Variants in ANTXR1 observed in about 807,000 individuals in gnomAD.
ANTXR1 encodes the protein anthrax toxin receptor 1.
ANTXR1 carries 19 observed loss-of-function variants against 78.1 expected under a neutral mutation model. The ratio of observed to expected loss-of-function variants is 0.24; its 90% CI spans 0.17 to 0.36. The LOEUF (loss-of-function observed/expected upper bound fraction) is 0.36. Among genes scored for constraint, ANTXR1 ranks in the 10% least tolerant of loss-of-function variants. The pLI is 1.00. For synonymous variants in ANTXR1, 273 were observed against 260.5 expected (o/e 1.05, Z -0.46); for missense variants, 518 against 718.6 (o/e 0.72, Z 3.19).
intron 1 of ANTXR1, among the ~76,000 whole-genome samples, chr2:69,029,129 C>T (rs1033468240): frequency 3.3e-5 from 5 of 151,054 alleles, no homozygotes; most frequent in African/African-American, 7.3e-5. Flanking sequence ...CTCAGGAGGC[C>T]GAGGCACAAG....
intron 17 of ANTXR1, among the ~76,000 whole-genome samples, chr2:69,196,665 A>G (rs758666303): frequency 1.3e-5 from 2 of 152,166 alleles, no homozygotes; most frequent in Non-Finnish European, 2.9e-5. Context: ...AGCTGACCAC[A>G]TTTTCCATAA....
chr2:69,023,452 G>A (rs1435238695), intron 1 of ANTXR1, among the ~76,000 whole-genome samples: 1 of 151,178 alleles, frequency 6.6e-6, no homozygotes, highest in African/African-American at 2.5e-5. Context: ...TGGTAGTAGT[G>A]ATGATAGTGA....
At chr2:69,186,691 C>G (rs1477287497) in intron 16 of ANTXR1, among the ~76,000 whole-genome samples, 1 of 152,234 alleles carries the variant, frequency 6.6e-6, no homozygotes, top group Admixed American at 6.5e-5. Flanking sequence ...GGAACTGTTT[C>G]TTTAGTTGAC....
At position 69,102,891 on chromosome 2, in the gene ANTXR1, C is replaced by A. The variant is rs141202830; in HGVS notation, c.753C>A (p.Asn251Lys). The A allele has an allele frequency of 1.6e-5, 26 of 1,614,058 alleles. No individual in the cohort carries two copies. Among genetic ancestry groups the A allele is most frequent in the African/African-American group, 4.0e-5 (3 of 74,928 alleles). Residue 251 changes from asparagine (N) to lysine (K), a missense_variant, in exon 10 of 18, where the codon AAC (asparagine) becomes AAA (lysine). Transcript: ENST00000303714. ...GAAACGGCTTCCGACATGCCCGCAA[C>A]GTGGACAGGGTCCTCTGCAGCTTCA... Reference protein sequence around the residue: ...VRGNGFRHARNVDRVLCSFKI... With the variant: ...VRGNGFRHARKVDRVLCSFKI...
At chr2:69,180,666 A>T (rs987973379) in intron 14 of ANTXR1, among the ~76,000 whole-genome samples, 4 of 152,240 alleles carry the variant, frequency 2.6e-5, no homozygotes, top group Admixed American at 1.3e-4. Context: ...CCCACCACAT[A>T]CAACATAGTG....
chr2:69,239,984 T>C (rs1675857650), intron 17 of ANTXR1, among the ~76,000 whole-genome samples: 1 of 152,236 alleles, frequency 6.6e-6, no homozygotes, highest in East Asian at 1.9e-4. Flanking sequence ...AGAGGTAACA[T>C]TAACCTTTCA....
intron 1 of ANTXR1, among the ~76,000 whole-genome samples, chr2:69,033,521 A>G (rs1217969238): frequency 6.6e-6 from 1 of 152,200 alleles, no homozygotes; most frequent in Non-Finnish European, 1.5e-5. Flanking sequence ...TCTTTGGAAG[A>G]AGCTGGGGAG....
At chr2:69,122,285 A>G (rs986939072) in intron 10 of ANTXR1, among the ~76,000 whole-genome samples, 1 of 152,216 alleles carries the variant, frequency 6.6e-6, no homozygotes, top group Non-Finnish European at 1.5e-5. Context: ...AGACCTGACT[A>G]TGACAGCCAT....
In ANTXR1 at chr2:69,245,330, C is replaced by T. The variant is rs1221254399; in HGVS notation, c.1540C>T (p.Pro514Ser). Residue 514 changes from proline to serine, a missense_variant, in exon 18 of 18, where the codon CCC (proline) becomes TCC (serine). Pro to Ser is a moderately conservative substitution (Grantham distance 74, BLOSUM62 -1). Transcript: ENST00000303714. ...SSPPPAPIYT[P>S]PPPAPHCPPP... ...GCCGCCTCCTGCCCCCATCTACACT[C>T]CCCCACCTCCTGCGCCCCACTGCCC... 9 of 1,579,730 alleles carry T rather than the reference C, an allele frequency of 5.7e-6. No individual in the cohort carries two copies. The highest frequency in any genetic ancestry group is 1.7e-5 in the Admixed American group (1 of 57,686).
At chr2:69,083,407 C>G (rs1670954357) in intron 8 of ANTXR1, among the ~76,000 whole-genome samples, 1 of 152,120 alleles carries the variant, frequency 6.6e-6, no homozygotes, top group Non-Finnish European at 1.5e-5. Context: ...GAATCCTGTC[C>G]AAAGGCACCC....
At chr2:69,026,573 T>A (rs1671350243) in intron 1 of ANTXR1, among the ~76,000 whole-genome samples, 1 of 152,210 alleles carries the variant, frequency 6.6e-6, no homozygotes, top group South Asian at 2.1e-4. Context: ...CAAATATCAG[T>A]TTGCTGATCA....
chr2:69,080,515 A>G (rs1433531165), intron 8 of ANTXR1, among the ~76,000 whole-genome samples: 1 of 152,252 alleles, frequency 6.6e-6, no homozygotes, highest in East Asian at 1.9e-4. Flanking sequence ...TTAAATTAAT[A>G]TGCAGGGGCT....
chr2:69,073,139 G>C (rs766345099), intron 6 of ANTXR1, 38 bp downstream of exon 6: 3 of 1,595,724 alleles, frequency 1.9e-6, no homozygotes, highest in Non-Finnish European at 1.7e-6. Flanking sequence ...CATATACATG[G>C]AACGGGGCTT....
intron 1 of ANTXR1, among the ~76,000 whole-genome samples, chr2:69,024,627 A>G (rs1391570755): frequency 1.3e-5 from 2 of 152,166 alleles, no homozygotes; most frequent in African/African-American, 2.4e-5. Flanking sequence ...TCCTCAATTT[A>G]TGGTCTTGGT....
intron 10 of ANTXR1, among the ~76,000 whole-genome samples, chr2:69,108,828 C>T (rs966606763): frequency 2.6e-5 from 4 of 152,156 alleles, no homozygotes; most frequent in African/African-American, 4.8e-5. Flanking sequence ...CAGTATTCCA[C>T]GGTGTATATA....
At chr2:69,041,131 T>G (rs59357717) in intron 2 of ANTXR1, among the ~76,000 whole-genome samples, 3,204 of 152,162 alleles carry the variant, frequency 0.021, 117 homozygotes, top group African/African-American at 0.073. Context: ...AAACAGATGC[T>G]GAGAGGACAG....
At chr2:69,182,207 A>G (rs1435311434) in intron 15 of ANTXR1, among the ~76,000 whole-genome samples, 1 of 152,150 alleles carries the variant, frequency 6.6e-6, no homozygotes, top group African/African-American at 2.4e-5. Flanking sequence ...TCTCACTGGA[A>G]TAAAATCCAA....
At chr2:69,125,308 A>G (rs1409183361) in intron 12 of ANTXR1, among the ~76,000 whole-genome samples, 1 of 152,182 alleles carries the variant, frequency 6.6e-6, no homozygotes, top group Non-Finnish European at 1.5e-5. Flanking sequence ...TCCTGGCTAT[A>G]TATAAAATCA....
chr2:69,145,788 C>T (rs796877230), intron 12 of ANTXR1: 1 of 995,836 alleles, frequency 1.0e-6, no homozygotes, highest in African/African-American at 1.7e-5. Context: ...TGTTTGATAC[C>T]GTATCATCCA....
Sources: gnomAD v4.1 joint callset for allele counts (sites outside exome capture counted in the v4.1 genomes callset) on GRCh38, gnomAD v4.1.1 for gene constraint, MANE v1.5 for transcripts, NCBI Gene and HGNC (gene_info 2026-07-23, HGNC 2026-07-21) for gene names.